RTL4: variants seen among roughly 807,000 people sequenced by gnomAD.
RTL4 encodes retrotransposon Gag-like protein 4.
In RTL4, 4 loss-of-function variants were observed where a neutral mutation model predicts 5.3. That is an observed-to-expected ratio of 0.75 (90% CI 0.37 to 1.72). RTL4 has a LOEUF of 1.72. Among genes scored for constraint, RTL4 ranks in the 40% most tolerant of loss-of-function variants. The pLI is 0.04. For synonymous variants in RTL4, 98 were observed against 87.3 expected, an observed-to-expected ratio of 1.12 and a Z score of -0.68; for missense variants, 260 against 227.1, an observed-to-expected ratio of 1.14 and a Z score of -0.93.
chrX:112,365,852 A>G, the RTL4 span, among the ~76,000 whole-genome samples: 1 of 111,292 alleles, frequency 9.0e-6, no homozygotes, highest in Non-Finnish European at 1.9e-5. Flanking sequence ...AACTCCAGTT[A>G]GGGTCCTCCC....
At chrX:112,220,561 C>T in the RTL4 span, among the ~76,000 whole-genome samples, 54 of 113,097 alleles carry the variant, frequency 4.8e-4, no homozygotes, top group African/African-American at 1.6e-3. Context: ...CAAATTTCTG[C>T]AGCAGGCTTG....
At chrX:112,318,050 C>G in the RTL4 span, among the ~76,000 whole-genome samples, 1 of 111,925 alleles carries the variant, frequency 8.9e-6, no homozygotes, top group Admixed American at 9.5e-5. Flanking sequence ...TATTGATCAT[C>G]GTGTGTGTGT....
At chrX:112,410,608 A>G in the RTL4 span, among the ~76,000 whole-genome samples, 2 of 112,165 alleles carry the variant, frequency 1.8e-5, no homozygotes, top group East Asian at 5.5e-4. Context: ...ACACATGGAA[A>G]TTAAACAATA....
the RTL4 span, among the ~76,000 whole-genome samples, chrX:112,402,927 A>G: frequency 8.9e-6 from 1 of 111,806 alleles, no homozygotes; most frequent in African/African-American, 3.2e-5. Context: ...TAAAGGAAAG[A>G]AAGCAGGGAA....
chrX:112,408,473 TA>T, the RTL4 span, among the ~76,000 whole-genome samples: 13 of 105,519 alleles, frequency 1.2e-4, no homozygotes, highest in South Asian at 5.1e-3. Flanking sequence ...AGGGATAAAA[TA>T]AAAAAAAGAA....
chrX:112,403,031 A>C, the RTL4 span, among the ~76,000 whole-genome samples: 2 of 111,830 alleles, frequency 1.8e-5, no homozygotes, highest in Non-Finnish European at 3.8e-5. Context: ...CTGAAATCAC[A>C]CTTTGCCCTG....
chrX:112,454,163 GGAA>G (rs746822507), upstream of RTL4, among the ~76,000 whole-genome samples: 32 of 111,723 alleles, frequency 2.9e-4, 1 homozygote, highest in Admixed American at 8.6e-4. Context: ...GGGCCACATT[GGAA>G]GAAGAAGAAT....
chrX:112,179,407 C>T, the RTL4 span, among the ~76,000 whole-genome samples: 2 of 111,061 alleles, frequency 1.8e-5, no homozygotes, highest in African/African-American at 6.6e-5. Context: ...TGTGTGGGTA[C>T]TTGTGTATGC....
At chrX:112,200,432 G>A in the RTL4 span, among the ~76,000 whole-genome samples, 1 of 112,186 alleles carries the variant, frequency 8.9e-6, no homozygotes, top group Non-Finnish European at 1.9e-5. Flanking sequence ...GGCTAGAACT[G>A]TGTCTGTCAT....
At chrX:112,201,946 T>C in the RTL4 span, among the ~76,000 whole-genome samples, 1 of 106,275 alleles carries the variant, frequency 9.4e-6, no homozygotes, top group Non-Finnish European at 1.9e-5. Flanking sequence ...TCCTCAGTTT[T>C]ACTTGGACTC....
the RTL4 span, among the ~76,000 whole-genome samples, chrX:112,175,972 A>G: frequency 0.032 from 3,569 of 110,592 alleles, 125 homozygotes; most frequent in African/African-American, 0.099. Context: ...TTGTATATCT[A>G]GAAAACCCCA....
chrX:112,351,654 T>G, the RTL4 span, among the ~76,000 whole-genome samples: 1 of 109,215 alleles, frequency 9.2e-6, no homozygotes, highest in African/African-American at 3.4e-5. Context: ...TCTTTGTTGG[T>G]TTAAAGTCTG....
the RTL4 span, among the ~76,000 whole-genome samples, chrX:112,427,746 ATG>A: frequency 9.0e-6 from 1 of 111,160 alleles, no homozygotes; most frequent in Non-Finnish European, 1.9e-5. Context: ...TTCTGATAAA[ATG>A]TGTTTTAATT....
At chrX:112,319,613 G>A in the RTL4 span, among the ~76,000 whole-genome samples, 40 of 111,098 alleles carry the variant, frequency 3.6e-4, no homozygotes, top group South Asian at 1.1e-3. Flanking sequence ...CATTTCCACC[G>A]CCCCTATAAA....
At chrX:112,087,774 A>G in the RTL4 span, among the ~76,000 whole-genome samples, 1 of 111,380 alleles carries the variant, frequency 9.0e-6, no homozygotes, top group Non-Finnish European at 1.9e-5. Flanking sequence ...AATGACTCAC[A>G]GTGTCGTTTA....
chrX:112,202,520 G>T, the RTL4 span, among the ~76,000 whole-genome samples: 3 of 103,773 alleles, frequency 2.9e-5, no homozygotes, highest in Non-Finnish European at 5.9e-5. Context: ...TATGGTAGTT[G>T]CATGTTTAGT....
At chrX:112,161,835 TCC>T in the RTL4 span, among the ~76,000 whole-genome samples, 464 of 44,062 alleles carry the variant, frequency 0.011, 18 homozygotes, top group Admixed American at 0.03. Context: ...CTTCCTTCCT[TCC>T]TTCCTTCCTT....
At chrX:112,173,975 C>T in the RTL4 span, among the ~76,000 whole-genome samples, 4 of 108,674 alleles carry the variant, frequency 3.7e-5, no homozygotes, top group African/African-American at 1.0e-4. Flanking sequence ...TTAAAGTCAT[C>T]CTAAATATAC....
the RTL4 span, among the ~76,000 whole-genome samples, chrX:112,271,052 A>G: frequency 4.3e-5 from 1 of 23,028 alleles, no homozygotes; most frequent in Non-Finnish European, 1.9e-4. Context: ...GGAGACAGAA[A>G]AAAAAAAAAA....
Sources: gnomAD v4.1 joint callset for allele counts (sites outside exome capture counted in the v4.1 genomes callset) on GRCh38, gnomAD v4.1.1 for gene constraint, MANE v1.5 for transcripts, NCBI Gene and HGNC (gene_info 2026-07-23, HGNC 2026-07-21) for gene names.